CDC14B: variants seen among roughly 807,000 people sequenced by gnomAD.
CDC14B encodes the protein dual specificity protein phosphatase CDC14B.
Under a neutral mutation model 64.2 loss-of-function variants are expected in CDC14B, and 22 were observed. The ratio of observed to expected loss-of-function variants is 0.34; its 90% CI spans 0.24 to 0.49. The LOEUF is 0.49. CDC14B is among the 20% of genes least tolerant of loss of function. CDC14B has a pLI of 0.99. For synonymous variants in CDC14B, 191 were observed against 215.8 expected (o/e 0.89, Z 1.01); for missense variants, 498 against 629.9 (o/e 0.79, Z 2.24).
At chr9:96,543,656 C>T (rs1840402169) in intron 5 of CDC14B, among the ~76,000 whole-genome samples, 1 of 152,128 alleles carries the variant, frequency 6.6e-6, no homozygotes, top group African/African-American at 2.4e-5. Flanking sequence ...CGACCCCTAC[C>T]CTGCTTCTCC....
chr9:96,583,559 G>T (rs1845293788), intron 1 of CDC14B, among the ~76,000 whole-genome samples: 1 of 151,462 alleles, frequency 6.6e-6, no homozygotes, highest in Non-Finnish European at 1.5e-5. Flanking sequence ...ACCACGCCTG[G>T]CTAGTTTTTG....
chr9:96,580,378 T>G (rs1388524334), intron 1 of CDC14B, among the ~76,000 whole-genome samples: 5 of 152,056 alleles, frequency 3.3e-5, no homozygotes, highest in Non-Finnish European at 7.4e-5. Flanking sequence ...ATTACAAGCA[T>G]GCACCACCAC....
intron 1 of CDC14B, among the ~76,000 whole-genome samples, chr9:96,589,822 G>C (rs59260292): frequency 6.6e-6 from 1 of 151,844 alleles, no homozygotes; most frequent in African/African-American, 2.4e-5. Context: ...TTAGGCAGGC[G>C]TGGTGGCGGG....
intron 1 of CDC14B, chr9:96,566,667 G>A: frequency 8.6e-7 from 1 of 1,162,158 alleles, no homozygotes; most frequent in East Asian, 2.6e-5. Context: ...GACAAGGGCG[G>A]CCGGGGCCCA....
At chr9:96,530,639 CCT>C (rs372674621) in intron 9 of CDC14B, among the ~76,000 whole-genome samples, 1 of 150,822 alleles carries the variant, frequency 6.6e-6, no homozygotes, top group Non-Finnish European at 1.5e-5. Context: ...TTTACTTCCC[CCT>C]GTCTAATTTC....
At chr9:96,556,984 C>G (rs868662356) in intron 4 of CDC14B, among the ~76,000 whole-genome samples, 1 of 152,154 alleles carries the variant, frequency 6.6e-6, no homozygotes, top group Non-Finnish European at 1.5e-5. Flanking sequence ...AAACAATGAC[C>G]GGAACAAGGA....
chr9:96,542,262 C>T (rs16911169), intron 5 of CDC14B, among the ~76,000 whole-genome samples: 7,937 of 145,916 alleles, frequency 0.054, 703 homozygotes, highest in African/African-American at 0.21. Flanking sequence ...TGGAAAATAC[C>T]GTATGAAAAT....
chr9:96,501,576 A>G lies in CDC14B; in HGVS notation c.*2177T>C, dbSNP rs1053208007. Reference sequence around the variant, plus strand: ...CTGCCCTTGCTATGCACACCATCCCAAGTCATTTGGTTATTACAAGGAATG... The same window carrying G: ...CTGCCCTTGCTATGCACACCATCCCGAGTCATTTGGTTATTACAAGGAATG... On this transcript the variant is annotated 3_prime_UTR_variant, in exon 14 of 14. Coordinates refer to ENST00000375241, the MANE Select transcript of CDC14B (RefSeq NM_033331.4). 1 of 152,522 alleles carries G rather than the reference A, an allele frequency of 6.6e-6. No homozygotes were observed. The highest frequency in any genetic ancestry group is 1.5e-5 in the Non-Finnish European group (1 of 68,032). 9.4% of individuals were successfully genotyped at this position (152,522 alleles called of 1,614,324 possible).
intron 1 of CDC14B, among the ~76,000 whole-genome samples, chr9:96,583,281 A>T (rs1443429408): frequency 6.6e-6 from 1 of 152,004 alleles, no homozygotes; most frequent in Non-Finnish European, 1.5e-5. Context: ...GATAAGAGGA[A>T]TCTAACGAGA....
rs2132311623 is a variant in CDC14B, at chr9:96,564,764, T to C, written c.327+13A>G. 1.3e-6 allele frequency: 2 copies of C among 1,529,130 alleles called. No homozygotes were observed. Among genetic ancestry groups the C allele is most frequent in the East Asian group, 2.3e-5 (1 of 43,764 alleles). 94.7% of individuals were successfully genotyped at this position (1,529,130 alleles called of 1,614,324 possible). ...TAACAATGATTACTTAAGTCAAATC[T>C]TAAAGACTTTACCTTTAATTTCTTA... On this transcript the variant is annotated intron_variant, in intron 3 of 13. Transcript: ENST00000375241.
intron 4 of CDC14B, among the ~76,000 whole-genome samples, chr9:96,560,759 C>CTTT (rs369325680): frequency 1.5e-5 from 2 of 132,458 alleles, no homozygotes; most frequent in African/African-American, 5.6e-5. Flanking sequence ...ACTACTCAAA[C>CTTT]TTTTTTTTTT....
intron 1 of CDC14B, among the ~76,000 whole-genome samples, chr9:96,574,537 A>G (rs981467091): frequency 1.2e-4 from 19 of 152,108 alleles, no homozygotes; most frequent in African/African-American, 4.3e-4. Context: ...ACAGGGATGG[A>G]TTTCTTTTTT....
intron 12 of CDC14B, among the ~76,000 whole-genome samples, chr9:96,512,575 C>T (rs1045588513): frequency 6.6e-6 from 1 of 152,102 alleles, no homozygotes; most frequent in African/African-American, 2.4e-5. Flanking sequence ...TCTCTTTCCT[C>T]GACCTTCCAA....
chr9:96,556,003 C>T (rs995174626), intron 4 of CDC14B, among the ~76,000 whole-genome samples: 1 of 152,120 alleles, frequency 6.6e-6, no homozygotes, highest in Non-Finnish European at 1.5e-5. Flanking sequence ...ATTACTTCTC[C>T]TTTCAATGTT....
intron 1 of CDC14B, among the ~76,000 whole-genome samples, chr9:96,599,172 G>A (rs1846268580): frequency 6.6e-6 from 1 of 152,100 alleles, no homozygotes; most frequent in Non-Finnish European, 1.5e-5. Flanking sequence ...CTGAGGTCAG[G>A]AGTTCAAGAC....
intron 4 of CDC14B, among the ~76,000 whole-genome samples, chr9:96,556,973 A>G (rs1842583236): frequency 6.6e-6 from 1 of 152,200 alleles, no homozygotes; most frequent in Non-Finnish European, 1.5e-5. Flanking sequence ...CATCCTATCT[A>G]AAACAATGAC....
chr9:96,571,863 C>T (rs1844499649), intron 1 of CDC14B, among the ~76,000 whole-genome samples: 1 of 152,204 alleles, frequency 6.6e-6, no homozygotes, highest in South Asian at 2.1e-4. Context: ...CATCCCACCC[C>T]ATACCCTGGA....
intron 1 of CDC14B, among the ~76,000 whole-genome samples, chr9:96,590,759 G>A (rs1261696885): frequency 1.3e-5 from 2 of 151,612 alleles, no homozygotes; most frequent in East Asian, 1.9e-4. Context: ...TTAGAGATGG[G>A]GTCTCTTTTG....
At chr9:96,583,068 G>A (rs1166343350) in intron 1 of CDC14B, among the ~76,000 whole-genome samples, 1 of 152,080 alleles carries the variant, frequency 6.6e-6, no homozygotes, top group Non-Finnish European at 1.5e-5. Context: ...AAATAATACA[G>A]TAGCTCTTCT....
Sources: gnomAD v4.1 joint callset for allele counts (sites outside exome capture counted in the v4.1 genomes callset) on GRCh38, gnomAD v4.1.1 for gene constraint, MANE v1.5 for transcripts, NCBI Gene and HGNC (gene_info 2026-07-23, HGNC 2026-07-21) for gene names.